Variants in PCDHA2 observed in about 807,000 individuals in gnomAD.
The protein encoded by PCDHA2 is protocadherin alpha 2, also known as protocadherin alpha-2.
PCDHA2 carries 58 observed loss-of-function variants against 66.0 expected under a neutral mutation model. That is an observed-to-expected ratio of 0.88 (90% confidence interval 0.71 to 1.09). PCDHA2 has a LOEUF of 1.09. PCDHA2 is among the 50% of genes least tolerant of loss of function. The pLI, the probability that PCDHA2 is intolerant of heterozygous loss-of-function variation, is 0.00. For missense variants in PCDHA2, 1,267 were observed against 1,242.3 expected (o/e 1.02, Z -0.30); for synonymous variants, 634 against 554.0 (o/e 1.14, Z -2.03).
chr5:141,003,167 C>T (rs1160809977), intron 3 of PCDHA2, among the ~76,000 whole-genome samples: 1 of 152,180 alleles, frequency 6.6e-6, no homozygotes, highest in Non-Finnish European at 1.5e-5. Context: ...AATCCTAGTC[C>T]CTGAGGCTCA....
chr5:141,000,593 A>G (rs1021263998), intron 3 of PCDHA2, among the ~76,000 whole-genome samples: 3 of 150,498 alleles, frequency 2.0e-5, no homozygotes, highest in African/African-American at 4.9e-5. Flanking sequence ...ATGCCCAGCT[A>G]ATTTTTGTAT....
intron 1 of PCDHA2, among the ~76,000 whole-genome samples, chr5:140,827,152 T>C (rs1769202163): frequency 6.6e-6 from 1 of 152,170 alleles, no homozygotes; most frequent in Non-Finnish European, 1.5e-5. Context: ...GATGCAGATA[T>C]GGATTTGTAA....
Position 140,795,136 on chromosome 5 carries a change from G to C in PCDHA2, c.172G>C (p.Glu58Gln), listed in dbSNP as rs377636774. The change falls in exon 1 of 4, where the codon GAG becomes CAG. Residue 58 changes from glutamate (E) to glutamine (Q), a missense_variant. Transcript: ENST00000526136. ...IAQDLGLELEELVPRLFRVAS... is the reference protein window; with the variant it reads ...IAQDLGLELEQLVPRLFRVAS... ...GCAGGACCTGGGGCTGGAGCTGGAG[G>C]AGCTGGTGCCGCGCCTGTTCCGGGT... 30 of 1,613,970 alleles carry C rather than the reference G, an allele frequency of 1.9e-5. No homozygotes were observed. Among genetic ancestry groups the C allele is most frequent in the Non-Finnish European group, 2.4e-5 (28 of 1,180,046 alleles).
At chr5:140,966,246 G>T (rs184430396) in intron 1 of PCDHA2, 5 of 319,412 alleles carry the variant, frequency 1.6e-5, no homozygotes, top group African/African-American at 6.4e-5. Flanking sequence ...TTAAGCAGGG[G>T]AGAGACGGTG....
chr5:140,802,373 C>T, intron 1 of PCDHA2: 5 of 1,614,264 alleles, frequency 3.1e-6, no homozygotes, highest in Non-Finnish European at 3.4e-6. Flanking sequence ...TGACGCCCCA[C>T]GTCCCCTTCA....
chr5:140,944,909 C>A (rs1320536064), intron 1 of PCDHA2, among the ~76,000 whole-genome samples: 1 of 152,136 alleles, frequency 6.6e-6, no homozygotes, highest in African/African-American at 2.4e-5. Flanking sequence ...CCACAAACTT[C>A]TCTTTATATT....
chr5:141,009,174 G>A (rs1281128951), intron 3 of PCDHA2, among the ~76,000 whole-genome samples: 1 of 152,228 alleles, frequency 6.6e-6, no homozygotes, highest in African/African-American at 2.4e-5. Flanking sequence ...ACTGGCCTTG[G>A]CTGGGTGTGG....
In PCDHA2 at chr5:140,851,928, G is replaced by A. The variant is rs1294571099; in HGVS notation, c.2388+54576G>A. 4.1e-6 allele frequency: 4 copies of A among 965,790 alleles called. 1 individual carries two copies. In the African/African-American group the frequency reaches 7.1e-5, roughly 17 times the overall value. 59.8% of individuals were successfully genotyped at this position (965,790 alleles called of 1,614,324 possible). On this transcript the variant is annotated intron_variant, in intron 1 of 3. Coordinates refer to ENST00000526136, the MANE Select transcript of PCDHA2 (RefSeq NM_018905.3). Reference sequence around the variant, plus strand: ...AATGTCACTACATGTTATGTTTCCTGAATTGTAGTATGTGACTTTCAAAAT... The same window carrying A: ...AATGTCACTACATGTTATGTTTCCTAAATTGTAGTATGTGACTTTCAAAAT...
intron 1 of PCDHA2, among the ~76,000 whole-genome samples, chr5:140,942,981 G>A (rs1242135518): frequency 6.6e-6 from 1 of 152,048 alleles, no homozygotes; most frequent in Non-Finnish European, 1.5e-5. Context: ...TTGGGGCTGG[G>A]TGTGGTGGCT....
At chr5:140,967,815 A>G in intron 1 of PCDHA2, 1 of 1,614,180 alleles carries the variant, frequency 6.2e-7, no homozygotes. Context: ...GGTCACTGCA[A>G]GGTGCTGGTG....
At chr5:140,861,501 C>A in intron 1 of PCDHA2, 1 of 480,612 alleles carries the variant, frequency 2.1e-6, no homozygotes, top group South Asian at 1.6e-5. Flanking sequence ...TCTGATAGAC[C>A]TCGAGGAGCT....
chr5:140,958,419 A>C (rs1275772647), intron 1 of PCDHA2, among the ~76,000 whole-genome samples: 1 of 152,196 alleles, frequency 6.6e-6, no homozygotes, highest in Non-Finnish European at 1.5e-5. Flanking sequence ...GCTTGGAAAG[A>C]AGCACTTTTT....
At chr5:140,914,248 G>T (rs1228200797) in intron 1 of PCDHA2, among the ~76,000 whole-genome samples, 1 of 151,850 alleles carries the variant, frequency 6.6e-6, no homozygotes, top group Non-Finnish European at 1.5e-5. Flanking sequence ...TTTATATCTG[G>T]GTGCTTCAAT....
At chr5:140,967,059 C>T in intron 1 of PCDHA2, 1 of 1,612,750 alleles carries the variant, frequency 6.2e-7, no homozygotes, top group Non-Finnish European at 8.5e-7. Flanking sequence ...ACGAGTGGAG[C>T]GCTCTTCGTC....
intron 1 of PCDHA2, chr5:140,808,076 C>A: frequency 1.9e-6 from 3 of 1,613,940 alleles, no homozygotes; most frequent in Non-Finnish European, 2.5e-6. Context: ...TCACATAGAT[C>A]CAATTACTGG....
intron 1 of PCDHA2, chr5:140,809,425 G>T: frequency 6.2e-7 from 1 of 1,614,230 alleles, no homozygotes; most frequent in Non-Finnish European, 8.5e-7. Context: ...GTGCGGTGGG[G>T]AGCTGGTCAT....
chr5:141,005,701 C>CAAAAAAA (rs59860837), intron 3 of PCDHA2, among the ~76,000 whole-genome samples: 5 of 7,784 alleles, frequency 6.4e-4, no homozygotes, highest in African/African-American at 9.3e-4. Context: ...AACTCCGTCT[C>CAAAAAAA]AAAAAAAAAA....
chr5:140,869,056 GTAC>G, intron 1 of PCDHA2: 2 of 1,549,424 alleles, frequency 1.3e-6, no homozygotes, highest in Non-Finnish European at 1.7e-6. Flanking sequence ...GAAGAATCTG[GTAC>G]TGTAAGTGTA....
Position 140,829,037 on chromosome 5 carries a change from T to C in PCDHA2, c.2388+31685T>C, listed in dbSNP as rs2150162033. ...TTTGGATTTTGAACAAGAAAACTTA[T>C]ACAAAATCCTCATTGACGCCACGGA... On this transcript the variant is annotated intron_variant, in intron 1 of 3. Coordinates refer to ENST00000526136, the MANE Select transcript of PCDHA2 (RefSeq NM_018905.3). 9.3e-6 allele frequency: 15 copies of C among 1,613,076 alleles called. No homozygotes were observed. Among genetic ancestry groups the C allele is most frequent in the Non-Finnish European group, 1.0e-5 (12 of 1,179,162 alleles).
Sources: gnomAD v4.1 joint callset for allele counts (sites outside exome capture counted in the v4.1 genomes callset) on GRCh38, gnomAD v4.1.1 for gene constraint, MANE v1.5 for transcripts, NCBI Gene and HGNC (gene_info 2026-07-23, HGNC 2026-07-21) for gene names.